The following CLDN14 variants were observed in gnomAD, a reference collection of about 807,000 sequenced individuals.
The protein encoded by CLDN14 is claudin 14, also known as claudin-14.
Under a neutral mutation model 2.1 loss-of-function variants are expected in CLDN14, and 2 were observed. That is an observed-to-expected ratio of 0.96 (90% CI 0.39 to 3.01). CLDN14 has a LOEUF of 3.01. Among genes scored for constraint, CLDN14 ranks in the 30% most tolerant of loss-of-function variants. The pLI is 0.09. For synonymous variants in CLDN14, 136 were observed against 154.4 expected, an observed-to-expected ratio of 0.88 and a Z score of 0.88; for missense variants, 298 against 328.0, an observed-to-expected ratio of 0.91 and a Z score of 0.71.
chr21:36,509,701 T>G (rs751492663), intron 2 of CLDN14, among the ~76,000 whole-genome samples: 8 of 152,170 alleles, frequency 5.3e-5, no homozygotes, highest in Non-Finnish European at 1.2e-4. Flanking sequence ...CTTCAAGTGA[T>G]TCTAATGCGT....
At chr21:36,485,222 T>C (rs1461066207) in intron 2 of CLDN14, among the ~76,000 whole-genome samples, 1 of 151,366 alleles carries the variant, frequency 6.6e-6, no homozygotes. Flanking sequence ...TTTTTCTTTT[T>C]TTTTTGATGG....
chr21:36,564,840 G>A (rs917925082), intron 1 of CLDN14, among the ~76,000 whole-genome samples: 12 of 152,190 alleles, frequency 7.9e-5, no homozygotes, highest in African/African-American at 2.7e-4. Flanking sequence ...TGTGATGTGA[G>A]TGAGAAAGAC....
chr21:36,562,472 A>G (rs1350480243), intron 1 of CLDN14, among the ~76,000 whole-genome samples: 1 of 152,214 alleles, frequency 6.6e-6, no homozygotes, highest in Non-Finnish European at 1.5e-5. Context: ...CTCTTAAACC[A>G]TAACAAGACC....
intron 1 of CLDN14, among the ~76,000 whole-genome samples, chr21:36,526,831 G>T (rs1840288811): frequency 1.3e-5 from 2 of 152,070 alleles, no homozygotes; most frequent in South Asian, 4.2e-4. Context: ...ATTACTGAAG[G>T]CAGCTGCTAG....
intron 1 of CLDN14, among the ~76,000 whole-genome samples, chr21:36,529,418 A>T (rs762936360): frequency 6.6e-6 from 1 of 152,072 alleles, no homozygotes; most frequent in Non-Finnish European, 1.5e-5. Context: ...CCTCTCGAGT[A>T]GCTGGGATTA....
Position 36,518,548 on chromosome 21 carries a change from A to G in CLDN14, c.-219-8048T>C, listed in dbSNP as rs541722744. On this transcript the variant is annotated intron_variant, in intron 1 of 2. Transcript: ENST00000342108. ...TGGGAGGCGGCGGTTGTAGTGAGCCAAGATCATGCCACTGAACTCCAGCCT... is the reference window on the plus strand; with the variant it reads ...TGGGAGGCGGCGGTTGTAGTGAGCCGAGATCATGCCACTGAACTCCAGCCT... Among the ~76,000 whole-genome samples the G allele has an allele frequency of 4.6e-5, 7 of 152,274 alleles. No individual in the cohort carries two copies. In the South Asian group the frequency reaches 1.5e-3, roughly 32 times the overall value.
intron 1 of CLDN14, among the ~76,000 whole-genome samples, chr21:36,523,766 A>G (rs1368677743): frequency 4.2e-5 from 1 of 23,858 alleles, no homozygotes; most frequent in Non-Finnish European, 1.6e-4. Context: ...AAAAAAAGAA[A>G]GAAAGAGAGA....
In CLDN14 at chr21:36,546,041, G is replaced by A. The variant is rs892362197; in HGVS notation, c.-220+30370C>T. ...TCAGGAAACAGAGACTGTAACCTGGGACTTATTAAAAGTTTGGAGAGAAAT... is the reference window on the plus strand; with the variant it reads ...TCAGGAAACAGAGACTGTAACCTGGAACTTATTAAAAGTTTGGAGAGAAAT... On this transcript the variant is annotated intron_variant, in intron 1 of 2. Transcript: ENST00000342108. Among the ~76,000 whole-genome samples, 7 of 152,288 alleles carry A rather than the reference G, an allele frequency of 4.6e-5. No homozygotes were observed. The East Asian group carries it at 1.4e-3, about 29-fold the overall frequency.
At chr21:36,537,789 A>G (rs2087439523) in intron 1 of CLDN14, among the ~76,000 whole-genome samples, 1 of 151,770 alleles carries the variant, frequency 6.6e-6, no homozygotes. Flanking sequence ...AGCTGGCGTT[A>G]CAGGTGCGTG....
intron 1 of CLDN14, among the ~76,000 whole-genome samples, chr21:36,550,698 T>G (rs1880503604): frequency 6.6e-6 from 1 of 152,130 alleles, no homozygotes; most frequent in South Asian, 2.1e-4. Flanking sequence ...TGGAGACCTG[T>G]CAAGAGGTCC....
At chr21:36,573,115 C>T (rs1031148841) in intron 1 of CLDN14, among the ~76,000 whole-genome samples, 18 of 152,028 alleles carry the variant, frequency 1.2e-4, no homozygotes, top group African/African-American at 4.3e-4. Context: ...TCCTGGCTAA[C>T]ATGGTGAAAC....
intron 1 of CLDN14, among the ~76,000 whole-genome samples, chr21:36,523,781 G>GAGAGAGAGAGAGAAAGAA (rs1568868851): frequency 1.6e-4 from 6 of 38,344 alleles, no homozygotes; most frequent in African/African-American, 4.4e-4. Flanking sequence ...GAGAGAAAGA[G>GAGAGAGAGAGAGAAAGAA]AGAAAGAAAG....
intron 2 of CLDN14, chr21:36,486,130 C>T: frequency 1.5e-6 from 2 of 1,309,668 alleles, no homozygotes; most frequent in South Asian, 1.2e-5. Context: ...CAGGATCCTG[C>T]ATCACGTCGT....
chr21:36,476,180 T>G, intron 1 of CLDN14, among the ~76,000 whole-genome samples: 1 of 152,126 alleles, frequency 6.6e-6, no homozygotes. Flanking sequence ...CCCACTCCCT[T>G]CGCTTGAAAT....
intron 1 of CLDN14, among the ~76,000 whole-genome samples, chr21:36,540,626 G>A (rs1452582560): frequency 6.6e-6 from 1 of 151,988 alleles, no homozygotes; most frequent in Non-Finnish European, 1.5e-5. Context: ...TGAGAAAGTG[G>A]CTGTAGGTCA....
chr21:36,490,280 C>T (rs1029409745), intron 2 of CLDN14, among the ~76,000 whole-genome samples: 1 of 152,134 alleles, frequency 6.6e-6, no homozygotes, highest in Non-Finnish European at 1.5e-5. Flanking sequence ...CGTGGGTCAC[C>T]GCAGCCTTGA....
chr21:36,506,368 A>C (rs1487912474), intron 2 of CLDN14, among the ~76,000 whole-genome samples: 1 of 152,176 alleles, frequency 6.6e-6, no homozygotes, highest in Admixed American at 6.5e-5. Flanking sequence ...AGGCCAAGGC[A>C]GGTGGATCAC....
intron 1 of CLDN14, chr21:36,532,432 A>G (rs1390715962): frequency 7.0e-6 from 1 of 143,842 alleles, no homozygotes; most frequent in Admixed American, 6.9e-5. Context: ...AACATCACAC[A>G]CCGGGGCCTG....
intron 1 of CLDN14, among the ~76,000 whole-genome samples, chr21:36,566,263 G>A (rs1018706994): frequency 1.3e-5 from 2 of 152,174 alleles, no homozygotes; most frequent in African/African-American, 4.8e-5. Flanking sequence ...TATTTTATAG[G>A]ATTGTTAGAA....
Sources: gnomAD v4.1 joint callset for allele counts (sites outside exome capture counted in the v4.1 genomes callset) on GRCh38, gnomAD v4.1.1 for gene constraint, MANE v1.5 for transcripts, NCBI Gene and HGNC (gene_info 2026-07-23, HGNC 2026-07-21) for gene names.